TTC29: variants seen among roughly 807,000 people sequenced by gnomAD.
The protein encoded by TTC29 is tetratricopeptide repeat domain 29.
Under a neutral mutation model 58.1 loss-of-function variants are expected in TTC29, and 49 were observed. That is an observed-to-expected ratio of 0.84 (90% CI 0.67 to 1.07). The LOEUF (loss-of-function observed/expected upper bound fraction) is 1.07. Ranked by LOEUF, TTC29 falls within the 50% of genes least tolerant of loss-of-function variation. TTC29 has a pLI of 0.00. For synonymous variants in TTC29, 209 were observed against 196.8 expected (o/e 1.06, Z -0.52); for missense variants, 582 against 555.6 (o/e 1.05, Z -0.48).
intron 11 of TTC29, among the ~76,000 whole-genome samples, chr4:146,717,198 G>GTAAATATAAA (rs1742997770): frequency 6.6e-6 from 1 of 152,128 alleles, no homozygotes; most frequent in Non-Finnish European, 1.5e-5. Context: ...TAGATAATAA[G>GTAAATATAAA]TAAATATAAA....
chr4:146,859,237 CA>C (rs946296555), intron 8 of TTC29, among the ~76,000 whole-genome samples: 3 of 152,094 alleles, frequency 2.0e-5, no homozygotes, highest in African/African-American at 7.2e-5. Flanking sequence ...TTATATCCTG[CA>C]GACATTCAGA....
intron 6 of TTC29, among the ~76,000 whole-genome samples, chr4:146,887,545 A>G (rs1468855831): frequency 6.6e-6 from 1 of 152,140 alleles, no homozygotes; most frequent in African/African-American, 2.4e-5. Context: ...CCTTATGGCC[A>G]TGGCAAAATT....
At chr4:146,855,487 G>T (rs747314026) in intron 8 of TTC29, among the ~76,000 whole-genome samples, 2 of 152,018 alleles carry the variant, frequency 1.3e-5, no homozygotes, top group Non-Finnish European at 2.9e-5. Flanking sequence ...AAAAAATGGA[G>T]GTTTAATCTT....
chr4:146,877,140 A>G (rs1012698705), intron 6 of TTC29, among the ~76,000 whole-genome samples: 17 of 152,132 alleles, frequency 1.1e-4, no homozygotes, highest in African/African-American at 3.4e-4. Context: ...ATCTTGTTAC[A>G]TAAACAAGTG....
At chr4:146,879,042 C>T (rs2150229842) in intron 6 of TTC29, among the ~76,000 whole-genome samples, 1 of 152,218 alleles carries the variant, frequency 6.6e-6, no homozygotes, top group South Asian at 2.1e-4. Flanking sequence ...GTCCCTACTA[C>T]ACAGAAGCAG....
intron 6 of TTC29, among the ~76,000 whole-genome samples, chr4:146,892,582 G>A (rs548636880): frequency 1.3e-5 from 2 of 152,256 alleles, no homozygotes; most frequent in South Asian, 2.1e-4. Context: ...GTATCATACT[G>A]AATGGGCAAA....
At chr4:146,734,368 C>A (rs770449529) in intron 11 of TTC29, among the ~76,000 whole-genome samples, 1 of 152,156 alleles carries the variant, frequency 6.6e-6, no homozygotes, top group African/African-American at 2.4e-5. Context: ...TTCCCCTATA[C>A]TTCACCCTAT....
chr4:146,889,013 A>G (rs1229338759), intron 6 of TTC29, among the ~76,000 whole-genome samples: 1 of 152,206 alleles, frequency 6.6e-6, no homozygotes, highest in Non-Finnish European at 1.5e-5. Flanking sequence ...GCTACACTTG[A>G]GTGATGCTCA....
rs531170377 is a variant in TTC29, at chr4:146,892,711, C to G, written c.586+10833G>C. Among the ~76,000 whole-genome samples, 5 of 152,092 alleles carry G rather than the reference C, an allele frequency of 3.3e-5. No homozygotes were observed. The East Asian group carries it at 5.8e-4, about 18-fold the overall frequency. On this transcript the variant is annotated intron_variant, in intron 6 of 12. Transcript: ENST00000325106. Reference sequence around the variant, plus strand: ...CAATCAGGCAGGAGAAGGAAATAAACGATATTCAATTAGGAAAAGAGGAAG... The same window carrying G: ...CAATCAGGCAGGAGAAGGAAATAAAGGATATTCAATTAGGAAAAGAGGAAG...
In TTC29 at chr4:146,803,540, A is replaced by G. The variant is rs754799491; in HGVS notation, c.1247T>C (p.Ile416Thr). ...HQMMLTVNNY[I>T]ESADLTSLNY... Reference sequence around the variant, plus strand: ...GAGGCTGGTGAGATCTGCAGACTCTATATAGTTGTTCACTGTAAGCATCAT... The same window carrying G: ...GAGGCTGGTGAGATCTGCAGACTCTGTATAGTTGTTCACTGTAAGCATCAT... The change falls in exon 11 of 13, where the codon ATA becomes ACA. Residue 416 changes from isoleucine (I) to threonine (T), a missense_variant. Coordinates refer to ENST00000325106, the MANE Select transcript of TTC29 (RefSeq NM_031956.4). 1.9e-6 allele frequency: 3 copies of G among 1,603,350 alleles called. No homozygotes were observed. Among genetic ancestry groups the G allele is most frequent in the South Asian group, 2.2e-5 (2 of 88,908 alleles).
At chr4:146,717,553 C>T (rs1056920590) in intron 11 of TTC29, among the ~76,000 whole-genome samples, 7 of 152,100 alleles carry the variant, frequency 4.6e-5, no homozygotes, top group African/African-American at 1.2e-4. Flanking sequence ...GCTGGGATTA[C>T]GAGTGTGAGC....
chr4:146,706,963 T>C lies in TTC29; in HGVS notation c.*195A>G, dbSNP rs1179836717. On this transcript the variant is annotated 3_prime_UTR_variant, in exon 13 of 13. Transcript: ENST00000325106. Reference sequence around the variant, plus strand: ...GCTGATATTTCTAAGAATTGGAATATATTTTATTTTCATGGATTTAGATGT... The same window carrying C: ...GCTGATATTTCTAAGAATTGGAATACATTTTATTTTCATGGATTTAGATGT... 5.1e-6 allele frequency: 2 copies of C among 390,504 alleles called. No homozygotes were observed. Among genetic ancestry groups the C allele is most frequent in the Non-Finnish European group, 9.1e-6 (2 of 220,972 alleles). 24.2% of individuals were successfully genotyped at this position (390,504 alleles called of 1,614,324 possible).
intron 10 of TTC29, among the ~76,000 whole-genome samples, chr4:146,809,521 G>C (rs1750863363): frequency 6.7e-6 from 1 of 149,448 alleles, no homozygotes; most frequent in Non-Finnish European, 1.5e-5. Flanking sequence ...AATCGACAAA[G>C]GGCTAAAATC....
intron 9 of TTC29, among the ~76,000 whole-genome samples, chr4:146,826,408 A>G: frequency 6.6e-6 from 1 of 151,990 alleles, no homozygotes; most frequent in East Asian, 1.9e-4. Flanking sequence ...ATTGAAAATT[A>G]TTTTCCTTAA....
chr4:146,708,322 A>ATG lies in TTC29; in HGVS notation c.1331-772_1331-771insCA, dbSNP rs2149985523. 6.4e-5 allele frequency among the ~76,000 whole-genome samples: 2 copies of ATG among 31,244 alleles called. 1 individual carries two copies. The highest frequency in any genetic ancestry group is 1.9e-3 in the East Asian group (2 of 1,054). The allele number at this position is 31,244 out of a possible 152,430, so 20.5% of individuals were successfully genotyped here. A position where few individuals can be genotyped will look rare whatever the true frequency, so the allele number is the denominator to read the frequency against. ...ATATGGGAAGTTTATATATATATAT[A>ATG]TATATATATATATATATATATATAT... On this transcript the variant is annotated intron_variant, in intron 11 of 12. Coordinates refer to ENST00000325106, the MANE Select transcript of TTC29 (RefSeq NM_031956.4).
intron 11 of TTC29, among the ~76,000 whole-genome samples, chr4:146,801,531 C>G (rs1750215842): frequency 6.6e-6 from 1 of 152,084 alleles, no homozygotes; most frequent in African/African-American, 2.4e-5. Context: ...CTGCCCCCCT[C>G]TACCATACAA....
intron 11 of TTC29, among the ~76,000 whole-genome samples, chr4:146,753,311 T>C (rs1746166846): frequency 6.6e-6 from 1 of 152,194 alleles, no homozygotes; most frequent in Admixed American, 6.5e-5. Flanking sequence ...ATGCTCATCA[T>C]CACTGGCCAT....
intron 11 of TTC29, among the ~76,000 whole-genome samples, chr4:146,725,181 C>G (rs535335296): frequency 6.6e-6 from 1 of 152,172 alleles, no homozygotes; most frequent in Non-Finnish European, 1.5e-5. Context: ...ATTATATAAA[C>G]TATACTTCAG....
At position 146,930,118 on chromosome 4, in the gene TTC29, T is replaced by TATATATATAC. The variant is rs1334021950; in HGVS notation, c.176+7475_176+7476insGTATATATAT. 4.8e-3 allele frequency among the ~76,000 whole-genome samples: 623 copies of TATATATATAC among 128,642 alleles called. 4 individuals carry two copies. The highest frequency in any genetic ancestry group is 0.011 in the Admixed American group (134 of 12,074). The allele number at this position is 128,642 out of a possible 152,430, so 84.4% of individuals were successfully genotyped here. A position where few individuals can be genotyped will look rare whatever the true frequency, so the allele number is the denominator to read the frequency against. On this transcript the variant is annotated intron_variant, in intron 4 of 12. Transcript: ENST00000325106. ...ATATATATATATATATATATATATA[T>TATATATATAC]ACACACATATATATCTTGATAAGTT...
Sources: gnomAD v4.1 joint callset for allele counts (sites outside exome capture counted in the v4.1 genomes callset) on GRCh38, gnomAD v4.1.1 for gene constraint, MANE v1.5 for transcripts, NCBI Gene and HGNC (gene_info 2026-07-23, HGNC 2026-07-21) for gene names.